The following ZMYND11 variants were observed in gnomAD, a reference collection of about 807,000 sequenced individuals.
ZMYND11 encodes zinc finger MYND domain-containing protein 11.
ZMYND11 carries 9 observed loss-of-function variants against 84.9 expected under a neutral mutation model. That is an observed-to-expected ratio of 0.11 (90% CI 0.06 to 0.18). The LOEUF (loss-of-function observed/expected upper bound fraction) is 0.18. Among genes scored for constraint, ZMYND11 ranks in the 10% least tolerant of loss-of-function variants. The pLI is 1.00. For synonymous variants in ZMYND11, 250 were observed against 244.1 expected, an observed-to-expected ratio of 1.02 and a Z score of -0.23; for missense variants, 409 against 761.0, an observed-to-expected ratio of 0.54 and a Z score of 5.44.
chr10:200,238 A>T (rs1008010369), intron 2 of ZMYND11, among the ~76,000 whole-genome samples: 5 of 20,178 alleles, frequency 2.5e-4, no homozygotes, highest in South Asian at 2.6e-3. Context: ...AATATATATA[A>T]AAATATATAT....
rs748219867 is a variant in ZMYND11, at chr10:237,686, G to C, written c.609+9G>C. On this transcript the variant is annotated intron_variant, in intron 6 of 14. Transcript: ENST00000381604. The stretch of plus-strand genomic sequence containing the variant: ...TTCCCACCATTCAAGAGGTAAAGTC[G>C]GTTTCTTTTATTTCCACTTCAAGTA... The C allele has an allele frequency of 6.3e-7, 1 of 1,596,404 alleles. No individual in the cohort carries two copies. Among genetic ancestry groups the C allele is most frequent in the East Asian group, 2.2e-5 (1 of 44,668 alleles).
At chr10:185,945 A>G (rs1050140583) in intron 2 of ZMYND11, among the ~76,000 whole-genome samples, 2 of 152,092 alleles carry the variant, frequency 1.3e-5, no homozygotes, top group African/African-American at 4.8e-5. Context: ...AGTGTTCTCC[A>G]TGTTGTGTAC....
chr10:187,072 C>G (rs560204786), intron 2 of ZMYND11, among the ~76,000 whole-genome samples: 1 of 151,968 alleles, frequency 6.6e-6, no homozygotes, highest in East Asian at 1.9e-4. Flanking sequence ...TACAAAAAAT[C>G]TGAAAAATTA....
intron 9 of ZMYND11, among the ~76,000 whole-genome samples, 172 bp downstream of exon 9, chr10:241,142 A>G (rs2131779011): frequency 6.6e-6 from 1 of 152,228 alleles, no homozygotes; most frequent in Admixed American, 6.5e-5. Flanking sequence ...TCCATTTCTG[A>G]TTTTAAAATG....
intron 1 of ZMYND11, among the ~76,000 whole-genome samples, chr10:152,219 G>A (rs1840549492): frequency 6.6e-6 from 1 of 152,110 alleles, no homozygotes; most frequent in South Asian, 2.1e-4. Flanking sequence ...CTAACAATAT[G>A]AACTTTAAGT....
chr10:163,302 C>T (rs1168946833), intron 1 of ZMYND11, among the ~76,000 whole-genome samples: 3 of 152,102 alleles, frequency 2.0e-5, no homozygotes, highest in African/African-American at 7.2e-5. Context: ...TCTTTCTATT[C>T]ATATGTTGGA....
chr10:208,248 G>A (rs564704259), intron 2 of ZMYND11, among the ~76,000 whole-genome samples: 37 of 152,258 alleles, frequency 2.4e-4, no homozygotes, highest in East Asian at 1.4e-3. Flanking sequence ...CAAGGACTTC[G>A]TGTCTAAAAC....
chr10:232,858 G>A (rs372992673), intron 4 of ZMYND11, among the ~76,000 whole-genome samples: 1 of 152,212 alleles, frequency 6.6e-6, no homozygotes, highest in Non-Finnish European at 1.5e-5. Context: ...ATATAAATGA[G>A]AGAAGTATTC....
intron 1 of ZMYND11, among the ~76,000 whole-genome samples, chr10:171,420 C>T (rs912796438): frequency 1.3e-5 from 2 of 152,078 alleles, no homozygotes; most frequent in Non-Finnish European, 2.9e-5. Flanking sequence ...CATTCGATGC[C>T]ATAAAACAGA....
chr10:214,094 G>T (rs1010651718), intron 3 of ZMYND11, among the ~76,000 whole-genome samples: 7 of 152,048 alleles, frequency 4.6e-5, no homozygotes, highest in African/African-American at 1.7e-4. Context: ...GGCATTTTGG[G>T]ATGCTGATCT....
chr10:232,562 C>T (rs1949185097), intron 4 of ZMYND11, among the ~76,000 whole-genome samples: 1 of 152,144 alleles, frequency 6.6e-6, no homozygotes. Context: ...CTTCTGTCGG[C>T]CTCTGTGGCC....
intron 4 of ZMYND11, among the ~76,000 whole-genome samples, chr10:223,003 G>A (rs746057197): frequency 6.8e-6 from 1 of 147,508 alleles, no homozygotes; most frequent in East Asian, 2.0e-4. Flanking sequence ...CTATCAAGTT[G>A]TCTGATTCCA....
chr10:155,772 G>A (rs1841554997), intron 1 of ZMYND11, among the ~76,000 whole-genome samples: 2 of 152,152 alleles, frequency 1.3e-5, no homozygotes, highest in South Asian at 4.1e-4. Flanking sequence ...AAAAACTCTT[G>A]CCTTTATTCA....
At chr10:170,453 T>TGTGTGC (rs1845049723) in intron 1 of ZMYND11, among the ~76,000 whole-genome samples, 1 of 135,106 alleles carries the variant, frequency 7.4e-6, no homozygotes, top group African/African-American at 2.8e-5. Context: ...TGTGTGTGTG[T>TGTGTGC]GTGCGTGCTT....
intron 9 of ZMYND11, among the ~76,000 whole-genome samples, chr10:241,812 G>A (rs558472610): frequency 1.3e-5 from 2 of 152,004 alleles, no homozygotes; most frequent in African/African-American, 4.8e-5. Flanking sequence ...CTCCAGTCCC[G>A]ACCTCTTCTG....
chr10:249,640 C>T, intron 14 of ZMYND11: 2 of 985,404 alleles, frequency 2.0e-6, no homozygotes, highest in Non-Finnish European at 2.4e-6. Flanking sequence ...CTCATCCTCC[C>T]CACTAGAGTG....
intron 2 of ZMYND11, among the ~76,000 whole-genome samples, chr10:204,197 A>C (rs1439683747): frequency 6.6e-6 from 1 of 152,170 alleles, no homozygotes; most frequent in Non-Finnish European, 1.5e-5. Context: ...CCTAGGTTAG[A>C]TAACCAGTTG....
intron 6 of ZMYND11, among the ~76,000 whole-genome samples, chr10:239,042 CA>C (rs1277979372): frequency 2.6e-5 from 4 of 152,198 alleles, no homozygotes; most frequent in Admixed American, 2.0e-4. Flanking sequence ...GTTCTGTTTT[CA>C]ATCTCGATCC....
intron 1 of ZMYND11, among the ~76,000 whole-genome samples, chr10:154,444 G>A (rs369081275): frequency 3.9e-5 from 6 of 152,228 alleles, no homozygotes; most frequent in East Asian, 3.9e-4. Flanking sequence ...CATAGATGTC[G>A]AGACGGATGC....
Sources: allele counts gnomAD v4.1 joint callset (sites outside exome capture counted in the v4.1 genomes callset), GRCh38; gene constraint gnomAD v4.1.1; transcripts MANE v1.5; gene names NCBI Gene and HGNC (gene_info 2026-07-23, HGNC 2026-07-21).